The following KCND2 variants were observed in gnomAD, a reference collection of about 807,000 sequenced individuals.
The protein encoded by KCND2 is A-type voltage-gated potassium channel KCND2.
Under a neutral mutation model 54.4 loss-of-function variants are expected in KCND2, and 16 were observed. That is an observed-to-expected ratio of 0.29 (90% confidence interval 0.20 to 0.45). The LOEUF is 0.45. KCND2 is among the 20% of genes least tolerant of loss of function. KCND2 has a pLI of 1.00. For synonymous variants in KCND2, 317 were observed against 310.7 expected, an observed-to-expected ratio of 1.02 and a Z score of -0.21; for missense variants, 486 against 824.2, an observed-to-expected ratio of 0.59 and a Z score of 5.02.
chr7:120,533,697 C>A (rs2116368122), intron 1 of KCND2, among the ~76,000 whole-genome samples: 1 of 152,176 alleles, frequency 6.6e-6, no homozygotes, highest in South Asian at 2.1e-4. Context: ...CTTGCCTCTT[C>A]CTGCCCAGAT....
At chr7:120,381,709 A>G (rs1215253882) in intron 1 of KCND2, among the ~76,000 whole-genome samples, 1 of 152,090 alleles carries the variant, frequency 6.6e-6, no homozygotes, top group Non-Finnish European at 1.5e-5. Flanking sequence ...AGAGGTTAAA[A>G]TGATAAAGAA....
intron 1 of KCND2, among the ~76,000 whole-genome samples, chr7:120,495,358 C>A (rs753357170): frequency 6.6e-6 from 1 of 151,200 alleles, no homozygotes; most frequent in Admixed American, 6.6e-5. Flanking sequence ...TTTTTTACCC[C>A]AATTCAGTAT....
chr7:120,300,047 A>T (rs964151212), intron 1 of KCND2, among the ~76,000 whole-genome samples: 8 of 152,162 alleles, frequency 5.3e-5, no homozygotes, highest in African/African-American at 1.9e-4. Flanking sequence ...ATTTTTAAGG[A>T]TATGTCCTAG....
At chr7:120,281,181 A>G (rs561540530) in intron 1 of KCND2, among the ~76,000 whole-genome samples, 1 of 152,272 alleles carries the variant, frequency 6.6e-6, no homozygotes, top group South Asian at 2.1e-4. Context: ...CTTTCATTGA[A>G]AGAACACAAA....
At chr7:120,374,005 C>CCT (rs1800802191) in intron 1 of KCND2, among the ~76,000 whole-genome samples, 1 of 151,618 alleles carries the variant, frequency 6.6e-6, no homozygotes. Flanking sequence ...GATAGTTGAT[C>CCT]CTACTGCTAG....
At chr7:120,573,596 G>A (rs1413389702) in intron 1 of KCND2, among the ~76,000 whole-genome samples, 1 of 152,138 alleles carries the variant, frequency 6.6e-6, no homozygotes, top group Non-Finnish European at 1.5e-5. Context: ...TTCATAACAA[G>A]TGAAGGAAAA....
At chr7:120,326,503 A>G (rs568984680) in intron 1 of KCND2, among the ~76,000 whole-genome samples, 4 of 152,250 alleles carry the variant, frequency 2.6e-5, no homozygotes, top group African/African-American at 9.6e-5. Context: ...ATGCATATTT[A>G]TAAAGTAAAA....
At chr7:120,644,631 G>A (rs898249219) in intron 1 of KCND2, among the ~76,000 whole-genome samples, 2 of 152,102 alleles carry the variant, frequency 1.3e-5, no homozygotes. Context: ...ATGTCATTCC[G>A]ACAGAGATAG....
intron 2 of KCND2, among the ~76,000 whole-genome samples, chr7:120,736,472 A>G (rs183026478): frequency 6.4e-4 from 98 of 152,148 alleles, no homozygotes; most frequent in African/African-American, 2.0e-3. Context: ...TACTGAGTAG[A>G]ATGTATTAGC....
chr7:120,462,566 G>A (rs769169563), intron 1 of KCND2, among the ~76,000 whole-genome samples: 1 of 151,892 alleles, frequency 6.6e-6, no homozygotes, highest in Non-Finnish European at 1.5e-5. Context: ...TAATATTTAT[G>A]AGTACCTAAA....
chr7:120,616,598 A>G (rs1183091474), intron 1 of KCND2, among the ~76,000 whole-genome samples: 2 of 152,230 alleles, frequency 1.3e-5, no homozygotes, highest in Non-Finnish European at 2.9e-5. Context: ...AAATTTGTGA[A>G]GTGAAAGCTT....
At chr7:120,347,387 T>TAAATGA (rs1172385987) in intron 1 of KCND2, among the ~76,000 whole-genome samples, 1 of 152,162 alleles carries the variant, frequency 6.6e-6, no homozygotes, top group Admixed American at 6.5e-5. Flanking sequence ...TACTTATGTG[T>TAAATGA]AAATGAAAAC....
At chr7:120,544,664 C>T (rs1030191175) in intron 1 of KCND2, among the ~76,000 whole-genome samples, 1 of 151,902 alleles carries the variant, frequency 6.6e-6, no homozygotes, top group African/African-American at 2.4e-5. Context: ...ATAGTTCAAA[C>T]ACAATCAAAT....
intron 1 of KCND2, among the ~76,000 whole-genome samples, chr7:120,385,784 C>T (rs1277361154): frequency 6.6e-6 from 1 of 152,112 alleles, no homozygotes; most frequent in Non-Finnish European, 1.5e-5. Context: ...AGAGTTTTCT[C>T]TGCCATATAC....
chr7:120,308,891 T>C (rs1799686923), intron 1 of KCND2, among the ~76,000 whole-genome samples: 1 of 152,178 alleles, frequency 6.6e-6, no homozygotes, highest in Non-Finnish European at 1.5e-5. Flanking sequence ...CCTTTCTGAG[T>C]TTCTTATTAA....
At chr7:120,311,719 C>T (rs985209063) in intron 1 of KCND2, among the ~76,000 whole-genome samples, 1 of 152,048 alleles carries the variant, frequency 6.6e-6, no homozygotes, top group African/African-American at 2.4e-5. Context: ...TCTTCCTCCC[C>T]CACCCTCTAC....
intron 1 of KCND2, among the ~76,000 whole-genome samples, chr7:120,697,518 A>C (rs1562912678): frequency 6.6e-6 from 1 of 152,150 alleles, no homozygotes. Context: ...ACAGAGTATA[A>C]TTTTTTTGCT....
intron 1 of KCND2, among the ~76,000 whole-genome samples, chr7:120,596,346 A>G (rs552829381): frequency 2.1e-4 from 32 of 152,336 alleles, no homozygotes; most frequent in Non-Finnish European, 4.4e-4. Flanking sequence ...CTCCAGAAAT[A>G]TGAGGGATCA....
intron 1 of KCND2, among the ~76,000 whole-genome samples, chr7:120,602,574 G>A (rs1792828586): frequency 1.3e-5 from 2 of 152,100 alleles, no homozygotes; most frequent in Admixed American, 1.3e-4. Flanking sequence ...AAACTAAAAT[G>A]TTTTATAGTA....
Sources: gnomAD v4.1 joint callset for allele counts (sites outside exome capture counted in the v4.1 genomes callset) on GRCh38, gnomAD v4.1.1 for gene constraint, MANE v1.5 for transcripts, NCBI Gene and HGNC (gene_info 2026-07-23, HGNC 2026-07-21) for gene names.